Variants in ARHGAP24 observed in about 807,000 individuals in gnomAD.
ARHGAP24 encodes the protein rho GTPase-activating protein 24.
A neutral mutation model predicts 76.4 loss-of-function variants in ARHGAP24; 50 were observed. That is an observed-to-expected ratio of 0.65 (90% CI 0.52 to 0.83). The LOEUF is 0.83. Among genes scored for constraint, ARHGAP24 ranks in the 40% least tolerant of loss-of-function variants. ARHGAP24 has a pLI of 0.00. For synonymous variants in ARHGAP24, 345 were observed against 323.3 expected, an observed-to-expected ratio of 1.07 and a Z score of -0.72; for missense variants, 930 against 914.2, an observed-to-expected ratio of 1.02 and a Z score of -0.22.
intron 5 of ARHGAP24, among the ~76,000 whole-genome samples, chr4:85,961,776 A>T (rs971961842): frequency 2.6e-5 from 4 of 152,254 alleles, no homozygotes; most frequent in Non-Finnish European, 4.4e-5. Flanking sequence ...ATACACACAC[A>T]TATGCACACG....
chr4:85,526,281 G>A (rs1192811539), intron 1 of ARHGAP24, among the ~76,000 whole-genome samples: 1 of 151,608 alleles, frequency 6.6e-6, no homozygotes, highest in Non-Finnish European at 1.5e-5. Context: ...TACACCTGTA[G>A]TCCTGGCTAC....
rs116127333 is a variant in ARHGAP24 at position 85,728,434 on chromosome 4, A to G, written c.268+6462A>G. 3.7e-3 allele frequency among the ~76,000 whole-genome samples: 562 copies of G among 152,120 alleles called. 6 individuals carry two copies. The highest frequency in any genetic ancestry group is 0.013 in the African/African-American group (524 of 41,502). On this transcript the variant is annotated intron_variant, in intron 3 of 9. Coordinates refer to ENST00000395184, the MANE Select transcript of ARHGAP24 (RefSeq NM_001025616.3). ...TTTTAGCTAATCTGTCTATGTTCCT[A>G]TGCATTTATCTATTTTATCTATGTA... is the stretch of plus-strand genomic sequence containing the variant.
At chr4:85,868,610 C>T (rs1467299026) in intron 3 of ARHGAP24, among the ~76,000 whole-genome samples, 1 of 151,924 alleles carries the variant, frequency 6.6e-6, no homozygotes, top group Non-Finnish European at 1.5e-5. Context: ...AGATGGGATC[C>T]TGGAACAGAA....
chr4:85,942,710 A>G (rs1230002126), intron 5 of ARHGAP24, among the ~76,000 whole-genome samples: 1 of 152,162 alleles, frequency 6.6e-6, no homozygotes, highest in Non-Finnish European at 1.5e-5. Context: ...TTAAATATAT[A>G]GCTCTACTTT....
At chr4:85,749,308 G>C (rs192467412) in intron 3 of ARHGAP24, among the ~76,000 whole-genome samples, 3 of 152,284 alleles carry the variant, frequency 2.0e-5, no homozygotes, top group Non-Finnish European at 2.9e-5. Flanking sequence ...AACATTTCCT[G>C]TGCCAACTAT....
intron 1 of ARHGAP24, among the ~76,000 whole-genome samples, chr4:85,528,091 T>C (rs1405679971): frequency 6.6e-6 from 1 of 151,966 alleles, no homozygotes; most frequent in Non-Finnish European, 1.5e-5. Context: ...AGACAATGAA[T>C]AGAACACCTA....
At position 85,977,430 on chromosome 4, in the gene ARHGAP24, A is replaced by G. The variant is rs559419538; in HGVS notation, c.807-140A>G. 4.3e-6 allele frequency: 4 copies of G among 941,096 alleles called. No homozygotes were observed. In the South Asian group the frequency reaches 5.7e-5, roughly 13 times the overall value. 58.3% of individuals were successfully genotyped at this position (941,096 alleles called of 1,614,324 possible). ...CATTGTCCCTGTGTTTGAGTGAGAG[A>G]TGGGTGAACATCCAAATAATTCTGT... On this transcript the variant is annotated intron_variant, in intron 7 of 9. Transcript: ENST00000395184.
intron 3 of ARHGAP24, among the ~76,000 whole-genome samples, chr4:85,869,366 C>A (rs370129995): frequency 1.2e-4 from 19 of 152,264 alleles, no homozygotes; most frequent in African/African-American, 4.6e-4. Context: ...GAATAACATA[C>A]TCCTATGCAA....
At chr4:85,569,956 G>C (rs1341240201) in intron 1 of ARHGAP24, among the ~76,000 whole-genome samples, 1 of 152,206 alleles carries the variant, frequency 6.6e-6, no homozygotes, top group Non-Finnish European at 1.5e-5. Flanking sequence ...ATAATCTTGA[G>C]AGTTATGTTT....
chr4:85,630,116 C>G (rs1272880532), intron 2 of ARHGAP24, among the ~76,000 whole-genome samples: 2 of 152,028 alleles, frequency 1.3e-5, no homozygotes, highest in Non-Finnish European at 2.9e-5. Flanking sequence ...CTCTTCTTGA[C>G]TGAGTCTGCG....
chr4:85,569,446 A>T (rs1305619428), intron 1 of ARHGAP24, among the ~76,000 whole-genome samples: 4 of 152,298 alleles, frequency 2.6e-5, no homozygotes, highest in South Asian at 2.1e-4. Context: ...CTCCCCCAGA[A>T]TGTCCACCTT....
intron 3 of ARHGAP24, among the ~76,000 whole-genome samples, chr4:85,786,895 A>G (rs1727871034): frequency 6.6e-6 from 1 of 152,212 alleles, no homozygotes; most frequent in African/African-American, 2.4e-5. Flanking sequence ...TTACTTCTGA[A>G]TCACTTTACT....
At chr4:85,723,363 A>T (rs1725031987) in intron 3 of ARHGAP24, 1 of 152,182 alleles carries the variant, frequency 6.6e-6, no homozygotes, top group African/African-American at 2.4e-5. Context: ...ATAGACGGAT[A>T]TTTTCAATAC....
chr4:85,838,251 C>G (rs1329944473), intron 3 of ARHGAP24, among the ~76,000 whole-genome samples: 1 of 152,208 alleles, frequency 6.6e-6, no homozygotes, highest in African/African-American at 2.4e-5. Context: ...AGCATGACTA[C>G]TGTGGATACT....
intron 1 of ARHGAP24, among the ~76,000 whole-genome samples, chr4:85,499,445 C>T (rs1385693256): frequency 1.3e-5 from 2 of 152,190 alleles, no homozygotes; most frequent in Non-Finnish European, 1.5e-5. Context: ...TAGAGGAAAA[C>T]TAGAAAGCCT....
chr4:85,834,270 T>C (rs1414961318), intron 3 of ARHGAP24, among the ~76,000 whole-genome samples: 1 of 152,338 alleles, frequency 6.6e-6, no homozygotes, highest in African/African-American at 2.4e-5. Flanking sequence ...TGTGACCTTC[T>C]TCCATAGGAC....
chr4:85,625,480 T>TTA (rs201760590), intron 2 of ARHGAP24, among the ~76,000 whole-genome samples: 1 of 151,702 alleles, frequency 6.6e-6, no homozygotes, highest in South Asian at 2.1e-4. Context: ...CTGAGGAGAG[T>TTA]TTTACTTCCA....
rs574555151 is a variant in ARHGAP24 at position 85,648,041 on chromosome 4, G to A, written c.181-73844G>A. On this transcript the variant is annotated intron_variant, in intron 2 of 9. Transcript: ENST00000395184. ...TTTTATTGAAGAAGTGCATAAATGC[G>A]TCTAAGTAAGTCAGCTAATAAAGTC... 1.5e-3 allele frequency among the ~76,000 whole-genome samples: 235 copies of A among 152,178 alleles called. 1 individual carries two copies. The highest frequency in any genetic ancestry group is 0.014 in the Middle Eastern group (4 of 294).
At chr4:85,979,935 C>G (rs1739556610) in intron 8 of ARHGAP24, among the ~76,000 whole-genome samples, 1 of 152,192 alleles carries the variant, frequency 6.6e-6, no homozygotes, top group South Asian at 2.1e-4. Context: ...CACTGAATCT[C>G]AAATTTTCCC....
Sources: gnomAD v4.1 joint callset for allele counts (sites outside exome capture counted in the v4.1 genomes callset) on GRCh38, gnomAD v4.1.1 for gene constraint, MANE v1.5 for transcripts, NCBI Gene and HGNC (gene_info 2026-07-23, HGNC 2026-07-21) for gene names.